The following FIP1L1 variants were observed in gnomAD, a reference collection of about 807,000 sequenced individuals.
FIP1L1 encodes pre-mRNA 3'-end-processing factor FIP1.
A neutral mutation model predicts 84.6 loss-of-function variants in FIP1L1; 21 were observed. The ratio of observed to expected loss-of-function variants is 0.25; its 90% confidence interval spans 0.18 to 0.36. The LOEUF (loss-of-function observed/expected upper bound fraction) is 0.36, where lower values mean the gene tolerates loss of function less well. Ranked by LOEUF, FIP1L1 falls within the 10% of genes least tolerant of loss-of-function variation. The pLI is 1.00. For missense variants in FIP1L1, 526 were observed against 751.1 expected (o/e 0.70, Z 3.50); for synonymous variants, 263 against 242.3 (o/e 1.09, Z -0.80).
intron 1 of FIP1L1, 84 bp from the exon 2 acceptor site, chr4:53,378,989 G>T: frequency 7.6e-7 from 1 of 1,318,168 alleles, no homozygotes; most frequent in Non-Finnish European, 1.1e-6. Flanking sequence ...TATTTTTATA[G>T]CAGTAAAGTC....
At chr4:53,445,994 T>A (rs1774028741) in intron 15 of FIP1L1, among the ~76,000 whole-genome samples, 1 of 152,098 alleles carries the variant, frequency 6.6e-6, no homozygotes. Context: ...TTGAATAGAC[T>A]CCGAAGGATT....
intron 11 of FIP1L1, among the ~76,000 whole-genome samples, chr4:53,419,108 C>T (rs1199165100): frequency 6.6e-6 from 1 of 152,076 alleles, no homozygotes; most frequent in Non-Finnish European, 1.5e-5. Context: ...TGAAATTAAG[C>T]ATAAATATGG....
chr4:53,403,617 A>G (rs1751428551), intron 10 of FIP1L1, among the ~76,000 whole-genome samples: 1 of 152,156 alleles, frequency 6.6e-6, no homozygotes, highest in Non-Finnish European at 1.5e-5. Context: ...AGTTCTTAAG[A>G]TGCTTGAAAA....
intron 10 of FIP1L1, among the ~76,000 whole-genome samples, chr4:53,407,911 T>C (rs1304434538): frequency 6.6e-6 from 1 of 152,218 alleles, no homozygotes. Flanking sequence ...ATGTGTTTCC[T>C]GAATACAGCA....
Position 53,414,609 on chromosome 4 carries a change from C to G in FIP1L1, c.816-6C>G. ...AAGAAAAAACATAGAAAATTTATCT[C>G]ACCAGAAACAGCACTTCTTCTCAGT... On this transcript the variant is annotated splice_region_variant and splice_polypyrimidine_tract_variant and intron_variant, in intron 10 of 17. Transcript: ENST00000337488. 1 of 1,599,922 alleles carries G rather than the reference C, an allele frequency of 6.3e-7. No homozygotes were observed. The highest frequency in any genetic ancestry group is 8.6e-7 in the Non-Finnish European group (1 of 1,169,082).
intron 11 of FIP1L1, among the ~76,000 whole-genome samples, chr4:53,421,624 C>T (rs1762466205): frequency 6.6e-6 from 1 of 152,166 alleles, no homozygotes; most frequent in Non-Finnish European, 1.5e-5. Context: ...ACATTCTAGG[C>T]TTTTTCTTAG....
chr4:53,418,705 C>G (rs1229033498), intron 11 of FIP1L1, among the ~76,000 whole-genome samples: 1 of 152,054 alleles, frequency 6.6e-6, no homozygotes, highest in Non-Finnish European at 1.5e-5. Context: ...AGCTTATGTT[C>G]CTATATTACA....
At chr4:53,420,086 T>A (rs1310219009) in intron 11 of FIP1L1, among the ~76,000 whole-genome samples, 1 of 150,522 alleles carries the variant, frequency 6.6e-6, no homozygotes, top group Non-Finnish European at 1.5e-5. Context: ...TAGTCCCAGC[T>A]ACTCAGGAGG....
intron 13 of FIP1L1, among the ~76,000 whole-genome samples, chr4:53,436,910 C>G (rs1769468531): frequency 6.6e-6 from 1 of 152,098 alleles, no homozygotes; most frequent in Non-Finnish European, 1.5e-5. Flanking sequence ...AAAAATTAAG[C>G]TGGGTGTGGT....
intron 13 of FIP1L1, among the ~76,000 whole-genome samples, chr4:53,434,471 A>AT (rs35389500): frequency 0.018 from 2,514 of 142,464 alleles, 55 homozygotes; most frequent in African/African-American, 0.056. Context: ...ATCTTAGTAA[A>AT]TTTTTTTTTT....
At chr4:53,406,624 G>A (rs1753653755) in intron 10 of FIP1L1, among the ~76,000 whole-genome samples, 1 of 152,168 alleles carries the variant, frequency 6.6e-6, no homozygotes, top group Non-Finnish European at 1.5e-5. Flanking sequence ...ATTCGGCTGT[G>A]AATCCATCTG....
chr4:53,429,037 C>G (rs1765465011), intron 13 of FIP1L1, among the ~76,000 whole-genome samples: 1 of 152,188 alleles, frequency 6.6e-6, no homozygotes, highest in Non-Finnish European at 1.5e-5. Flanking sequence ...AGAGAGCTGT[C>G]TTTGTTTTAA....
chr4:53,454,091 TTGTA>T (rs1295550834), intron 16 of FIP1L1, among the ~76,000 whole-genome samples: 2 of 152,230 alleles, frequency 1.3e-5, no homozygotes, highest in South Asian at 2.1e-4. Flanking sequence ...GAAATTTTTC[TTGTA>T]TGTGTTTTAA....
intron 9 of FIP1L1, among the ~76,000 whole-genome samples, chr4:53,394,747 G>A (rs1362002881): frequency 1.7e-5 from 2 of 116,884 alleles, no homozygotes; most frequent in African/African-American, 1.0e-4. Context: ...ATGGTTGTCT[G>A]TTTTTCCTTT....
rs1753176199 is a variant in FIP1L1 at position 53,405,956 on chromosome 4, A to C, written c.815+6117A>C. ...ATATACAATCACGTCATCTGCAAAC[A>C]GGGACAATTTGACTTCCTCTTTTCC... On this transcript the variant is annotated intron_variant, in intron 10 of 17. Coordinates refer to ENST00000337488, the MANE Select transcript of FIP1L1 (RefSeq NM_030917.4). 2.0e-5 allele frequency among the ~76,000 whole-genome samples: 3 copies of C among 152,030 alleles called. No individual in the cohort carries two copies. In the South Asian group the frequency reaches 6.2e-4, roughly 31 times the overall value.
chr4:53,446,158 G>C (rs895885566), intron 15 of FIP1L1, among the ~76,000 whole-genome samples: 25 of 151,422 alleles, frequency 1.7e-4, no homozygotes, highest in African/African-American at 5.1e-4. Context: ...TATTTATGTT[G>C]ACTTACTTGT....
intron 10 of FIP1L1, among the ~76,000 whole-genome samples, chr4:53,413,484 T>G (rs1758083022): frequency 6.6e-6 from 1 of 152,074 alleles, no homozygotes; most frequent in African/African-American, 2.4e-5. Flanking sequence ...ATCACAGGAT[T>G]CTTATTCCTA....
At chr4:53,442,920 T>G (rs2150241259) in intron 14 of FIP1L1, among the ~76,000 whole-genome samples, 1 of 152,250 alleles carries the variant, frequency 6.6e-6, no homozygotes, top group Admixed American at 6.5e-5. Context: ...CGTAATATTT[T>G]GAAATAATAT....
intron 13 of FIP1L1, among the ~76,000 whole-genome samples, chr4:53,431,218 A>G (rs1766505676): frequency 6.6e-6 from 1 of 152,214 alleles, no homozygotes; most frequent in African/African-American, 2.4e-5. Flanking sequence ...CTGCATAGAT[A>G]TATGCCAGCT....
Sources: gnomAD v4.1 joint callset for allele counts (sites outside exome capture counted in the v4.1 genomes callset) on GRCh38, gnomAD v4.1.1 for gene constraint, MANE v1.5 for transcripts, NCBI Gene and HGNC (gene_info 2026-07-23, HGNC 2026-07-21) for gene names.